The following EFL1 variants were observed in gnomAD, a reference collection of about 807,000 sequenced individuals.
EFL1 encodes elongation factor-like GTPase 1.
Under a neutral mutation model 126.7 loss-of-function variants are expected in EFL1, and 76 were observed. The observed-to-expected ratio is 0.60, with a 90% CI of 0.50 to 0.73. EFL1 has a LOEUF of 0.73. EFL1 is among the 30% of genes least tolerant of loss of function. The probability of loss-of-function intolerance (pLI) is 0.00; values close to 1 mark genes in which losing one functional copy is unlikely to be tolerated. For missense variants in EFL1, 1,128 were observed against 1,343.2 expected (o/e 0.84, Z 2.50); for synonymous variants, 410 against 448.4 (o/e 0.91, Z 1.08).
chr15:82,208,179 G>T (rs2074545851), intron 15 of EFL1, among the ~76,000 whole-genome samples: 1 of 152,034 alleles, frequency 6.6e-6, no homozygotes, highest in Admixed American at 6.6e-5. Flanking sequence ...CAAATATACA[G>T]AACTGAAAAT....
intron 15 of EFL1, among the ~76,000 whole-genome samples, chr15:82,212,512 A>G (rs1367430132): frequency 6.6e-6 from 1 of 152,238 alleles, no homozygotes; most frequent in Admixed American, 6.5e-5. Context: ...TCAATTAATA[A>G]AAGAAAAACA....
At chr15:82,152,479 C>T (rs1441855465) in intron 17 of EFL1, 56 bp from the exon 18 acceptor site, 2 of 1,443,982 alleles carry the variant, frequency 1.4e-6, no homozygotes, top group East Asian at 2.3e-5. Context: ...AGCATCAAAG[C>T]TCCTGTGTAG....
rs1316615934 is a variant in EFL1, at chr15:82,151,809, A to T, written c.2645T>A (p.Met882Lys). ...GFQLATLSGPMCEEPLMGVCF... is the reference protein window; with the variant it reads ...GFQLATLSGPKCEEPLMGVCF... ...GACACCCATGAGAGGCTCCTCACAC[A>T]TGGGGCCAGAGAGGGTTGCTAGTTG... Residue 882 changes from methionine (M) to lysine (K), a missense_variant, in exon 18 of 20, where the codon ATG (methionine) becomes AAG (lysine). Met to Lys is a moderately conservative substitution (Grantham distance 95, BLOSUM62 -1). Around this residue, in one of 6 missense-constraint regions of EFL1, gnomAD observed 561 missense variants for 641.7 expected, o/e 0.87. Coordinates refer to ENST00000268206, the MANE Select transcript of EFL1 (RefSeq NM_024580.6). 1.2e-6 allele frequency: 2 copies of T among 1,614,074 alleles called. No individual in the cohort carries two copies. Among genetic ancestry groups the T allele is most frequent in the Admixed American group, 3.3e-5 (2 of 60,000 alleles).
intron 18 of EFL1, among the ~76,000 whole-genome samples, chr15:82,142,469 G>T (rs997784922): frequency 6.6e-6 from 1 of 152,118 alleles, no homozygotes; most frequent in African/African-American, 2.4e-5. Context: ...CAGCCTGGGT[G>T]ACTGGGCAGG....
At chr15:82,211,477 G>C (rs776623901) in intron 15 of EFL1, among the ~76,000 whole-genome samples, 2 of 150,528 alleles carry the variant, frequency 1.3e-5, no homozygotes, top group Non-Finnish European at 3.0e-5. Context: ...AGTGAGCCGA[G>C]ATTGTGCCAA....
chr15:82,145,474 A>T (rs1292970679), intron 18 of EFL1, among the ~76,000 whole-genome samples: 1 of 151,868 alleles, frequency 6.6e-6, no homozygotes, highest in Non-Finnish European at 1.5e-5. Flanking sequence ...AAAAATTAAA[A>T]TTATTTTAAA....
intron 12 of EFL1, among the ~76,000 whole-genome samples, chr15:82,222,025 T>A (rs972257038): frequency 6.6e-6 from 1 of 152,216 alleles, no homozygotes; most frequent in Non-Finnish European, 1.5e-5. Context: ...TAAAAACTCA[T>A]AAGAATATCT....
At chr15:82,248,704 C>T (rs2074994971) in intron 4 of EFL1, among the ~76,000 whole-genome samples, 2 of 152,092 alleles carry the variant, frequency 1.3e-5, no homozygotes, top group Non-Finnish European at 2.9e-5. Context: ...AGGCTATTAG[C>T]TAGACTATAT....
intron 3 of EFL1, among the ~76,000 whole-genome samples, 175 bp downstream of exon 3, chr15:82,258,913 G>C (rs2075089043): frequency 6.6e-6 from 1 of 152,216 alleles, no homozygotes; most frequent in Non-Finnish European, 1.5e-5. Context: ...AAGCAATACA[G>C]AAGTAACTAT....
intron 3 of EFL1, among the ~76,000 whole-genome samples, chr15:82,256,267 G>A (rs529162234): frequency 6.6e-6 from 1 of 152,234 alleles, no homozygotes; most frequent in Non-Finnish European, 1.5e-5. Flanking sequence ...GAGCCACCAT[G>A]CCCGGCACAG....
chr15:82,233,110 C>T (rs1438269900), intron 7 of EFL1, among the ~76,000 whole-genome samples: 1 of 152,082 alleles, frequency 6.6e-6, no homozygotes, highest in African/African-American at 2.4e-5. Context: ...TCTTCTAGTC[C>T]ACCATATTAA....
chr15:82,251,547 G>A (rs762538278), intron 4 of EFL1, among the ~76,000 whole-genome samples: 9 of 152,088 alleles, frequency 5.9e-5, no homozygotes, highest in Non-Finnish European at 1.0e-4. Flanking sequence ...CAAATCTCTT[G>A]AAGTCTATAA....
chr15:82,195,142 T>C (rs755673525), intron 15 of EFL1, among the ~76,000 whole-genome samples: 2 of 152,234 alleles, frequency 1.3e-5, no homozygotes, highest in African/African-American at 2.4e-5. Context: ...GTTTCGGTTA[T>C]AAACTTGTCT....
intron 18 of EFL1, among the ~76,000 whole-genome samples, chr15:82,144,693 T>C (rs927811969): frequency 6.6e-6 from 1 of 152,060 alleles, no homozygotes; most frequent in African/African-American, 2.4e-5. Flanking sequence ...ACCCTAAGTA[T>C]AGAATAAGAA....
rs371532309 is a variant in EFL1, at chr15:82,212,276, G to A, written c.1750+2441C>T. ...CAAATCCCAGTTAGGATAAACAAAA[G>A]TATCCCTGGGAATCCATAGTCTTCT... On this transcript the variant is annotated intron_variant, in intron 15 of 19. Coordinates refer to ENST00000268206, the MANE Select transcript of EFL1 (RefSeq NM_024580.6). Among the ~76,000 whole-genome samples the A allele has an allele frequency of 1.9e-3, 295 of 152,286 alleles. 1 individual carries two copies. The highest frequency in any genetic ancestry group is 6.8e-3 in the Middle Eastern group (2 of 294).
chr15:82,259,716 A>T (rs1273866124), intron 2 of EFL1, among the ~76,000 whole-genome samples: 1 of 152,198 alleles, frequency 6.6e-6, no homozygotes, highest in Non-Finnish European at 1.5e-5. Flanking sequence ...ATGTGATATA[A>T]ACAGGTGATT....
intron 18 of EFL1, among the ~76,000 whole-genome samples, chr15:82,148,378 A>C (rs996782794): frequency 3.7e-4 from 22 of 59,926 alleles, no homozygotes; most frequent in African/African-American, 2.0e-3. Flanking sequence ...AATCCATCTC[A>C]AAAAAAAAAA....
intron 17 of EFL1, among the ~76,000 whole-genome samples, chr15:82,156,602 C>A (rs972221442): frequency 7.4e-5 from 11 of 148,308 alleles, no homozygotes; most frequent in African/African-American, 2.9e-4. Flanking sequence ...TATTCTTATT[C>A]TATTATTAGT....
At chr15:82,187,302 T>C (rs2074314235) in intron 15 of EFL1, among the ~76,000 whole-genome samples, 1 of 152,188 alleles carries the variant, frequency 6.6e-6, no homozygotes. Context: ...CCTTAAGCTG[T>C]TTGGTTAAAG....
Sources: gnomAD v4.1 joint callset for allele counts (sites outside exome capture counted in the v4.1 genomes callset) on GRCh38, gnomAD v4.1.1 for gene constraint, gnomAD v4.1.1 regional missense constraint, MANE v1.5 for transcripts, NCBI Gene and HGNC (gene_info 2026-07-23, HGNC 2026-07-21) for gene names.